GRID2: variants seen among roughly 807,000 people sequenced by gnomAD.
GRID2 encodes the protein glutamate receptor ionotropic, delta-2.
In GRID2, 33 loss-of-function variants were observed where a neutral mutation model predicts 114.8. The ratio of observed to expected loss-of-function variants is 0.29; its 90% CI spans 0.22 to 0.38. GRID2 has a LOEUF of 0.38. Among genes scored for constraint, GRID2 ranks in the 10% least tolerant of loss-of-function variants. GRID2 has a pLI of 1.00. For synonymous variants in GRID2, 505 were observed against 449.9 expected (o/e 1.12, Z -1.55); for missense variants, 1,184 against 1,257.7 (o/e 0.94, Z 0.89).
chr4:93,431,095 AG>A (rs892700489), intron 10 of GRID2, among the ~76,000 whole-genome samples: 6 of 152,220 alleles, frequency 3.9e-5, no homozygotes, highest in African/African-American at 1.4e-4. Flanking sequence ...AGTGAGGAGA[AG>A]GGAGAAGTCT....
At chr4:92,815,780 G>A (rs149056420) in intron 2 of GRID2, among the ~76,000 whole-genome samples, 10 of 151,158 alleles carry the variant, frequency 6.6e-5, no homozygotes, top group African/African-American at 2.2e-4. Flanking sequence ...AACTAACTGG[G>A]CATTGTGGTG....
intron 2 of GRID2, among the ~76,000 whole-genome samples, chr4:92,831,513 C>A (rs1742100820): frequency 6.6e-6 from 1 of 150,510 alleles, no homozygotes; most frequent in Admixed American, 6.6e-5. Flanking sequence ...TTTTTCAAAC[C>A]TGCATGGCTT....
chr4:92,843,619 A>AT (rs1217057660), intron 2 of GRID2, among the ~76,000 whole-genome samples: 1 of 152,116 alleles, frequency 6.6e-6, no homozygotes, highest in African/African-American at 2.4e-5. Context: ...ATACAAATCT[A>AT]TTTTATGTTA....
rs980939313 is a variant in GRID2 at position 93,021,832 on chromosome 4, ATAT to A, written c.245-63158_245-63156del. 2.8e-3 allele frequency among the ~76,000 whole-genome samples: 412 copies of A among 146,890 alleles called. 3 individuals are homozygous for A. Among genetic ancestry groups the A allele is most frequent in the African/African-American group, 9.8e-3 (400 of 40,730 alleles). On this transcript the variant is annotated intron_variant, in intron 2 of 15. Coordinates refer to ENST00000282020, the MANE Select transcript of GRID2 (RefSeq NM_001510.4). ...AAATTTTAATATACTTATATAATAA[ATAT>A]TATTTTTAAATAATAAATATTATAA...
At chr4:93,372,443 G>A (rs1763019105) in intron 8 of GRID2, among the ~76,000 whole-genome samples, 1 of 152,038 alleles carries the variant, frequency 6.6e-6, no homozygotes, top group Non-Finnish European at 1.5e-5. Flanking sequence ...CCCCATGTTG[G>A]TTTCTCCTTT....
chr4:92,340,447 T>C (rs1727425107), intron 1 of GRID2, among the ~76,000 whole-genome samples: 1 of 152,196 alleles, frequency 6.6e-6, no homozygotes, highest in Non-Finnish European at 1.5e-5. Flanking sequence ...TGGCACTTGC[T>C]TAATTTCCAG....
intron 2 of GRID2, among the ~76,000 whole-genome samples, chr4:92,784,214 A>G (rs1226638334): frequency 6.6e-6 from 1 of 152,032 alleles, no homozygotes; most frequent in Admixed American, 6.6e-5. Flanking sequence ...TCATGTAAAT[A>G]TATAGTCTCA....
At chr4:92,628,196 A>T (rs759913371) in intron 2 of GRID2, among the ~76,000 whole-genome samples, 10 of 152,152 alleles carry the variant, frequency 6.6e-5, no homozygotes, top group Non-Finnish European at 1.3e-4. Context: ...ATTAGCCAGC[A>T]GGAGAAGGTG....
chr4:93,573,976 A>G (rs150993820), intron 13 of GRID2, among the ~76,000 whole-genome samples: 4 of 152,330 alleles, frequency 2.6e-5, no homozygotes, highest in Admixed American at 2.6e-4. Context: ...AATTAGAGAA[A>G]TCATGGGCAA....
At chr4:92,776,693 A>T (rs1343208307) in intron 2 of GRID2, among the ~76,000 whole-genome samples, 1 of 152,132 alleles carries the variant, frequency 6.6e-6, no homozygotes, top group African/African-American at 2.4e-5. Context: ...CTCTGTAAAG[A>T]TTGTTCTCTC....
In GRID2 at chr4:93,233,329, A is replaced by T. The variant is rs1409826059; in HGVS notation, c.1126-5042A>T. Among the ~76,000 whole-genome samples, 7 of 97,170 alleles carry T rather than the reference A, an allele frequency of 7.2e-5. No individual in the cohort carries two copies. The East Asian group carries it at 7.4e-4, about 10-fold the overall frequency. 63.7% of individuals were successfully genotyped at this position (97,170 alleles called of 152,430 possible). A position where few individuals can be genotyped will look rare whatever the true frequency, so the allele number is the denominator to read the frequency against. On this transcript the variant is annotated intron_variant, in intron 7 of 15. Coordinates refer to ENST00000282020, the MANE Select transcript of GRID2 (RefSeq NM_001510.4). ...ACACTGAAGGATTATTATTATTATTATTATTATTTTTTTTTTTATTTTTTA... is the reference window on the plus strand; with the variant it reads ...ACACTGAAGGATTATTATTATTATTTTTATTATTTTTTTTTTTATTTTTTA...
chr4:92,765,893 A>C (rs2149348424), intron 2 of GRID2, among the ~76,000 whole-genome samples: 1 of 152,206 alleles, frequency 6.6e-6, no homozygotes, highest in African/African-American at 2.4e-5. Context: ...TCTCTGTTTG[A>C]CCTTTGCCTC....
At chr4:93,269,959 T>C (rs1247373802) in intron 8 of GRID2, among the ~76,000 whole-genome samples, 2 of 152,132 alleles carry the variant, frequency 1.3e-5, no homozygotes, top group African/African-American at 2.4e-5. Context: ...GCCATAATCA[T>C]CTCCTGTTAA....
At chr4:93,555,710 G>C (rs1734252553) in intron 13 of GRID2, among the ~76,000 whole-genome samples, 1 of 152,190 alleles carries the variant, frequency 6.6e-6, no homozygotes, top group African/African-American at 2.4e-5. Flanking sequence ...CTGCCTGCTG[G>C]CTCTGAAGAC....
intron 4 of GRID2, among the ~76,000 whole-genome samples, chr4:93,195,390 G>A (rs1741388177): frequency 6.6e-6 from 1 of 152,150 alleles, no homozygotes; most frequent in African/African-American, 2.4e-5. Flanking sequence ...GAGAAAGCAT[G>A]TGTGGAATAT....
intron 2 of GRID2, among the ~76,000 whole-genome samples, chr4:93,042,599 G>C (rs1470193517): frequency 1.6e-5 from 2 of 122,706 alleles, no homozygotes; most frequent in African/African-American, 6.2e-5. Flanking sequence ...ATGCAAACAT[G>C]ATGAATCTTT....
intron 14 of GRID2, among the ~76,000 whole-genome samples, chr4:93,730,676 A>C (rs1251401885): frequency 1.3e-5 from 2 of 152,170 alleles, no homozygotes; most frequent in Non-Finnish European, 2.9e-5. Context: ...AGGCTTAAGC[A>C]GGGCAGGGGG....
At chr4:93,589,685 C>G (rs1475442549) in intron 13 of GRID2, among the ~76,000 whole-genome samples, 1 of 151,876 alleles carries the variant, frequency 6.6e-6, no homozygotes, top group Non-Finnish European at 1.5e-5. Context: ...TAAAAGTGTT[C>G]CTATTTCTCC....
rs546522026 is a variant in GRID2 at position 93,127,660 on chromosome 4, G to A, written c.735+16707G>A. On this transcript the variant is annotated intron_variant, in intron 4 of 15. Transcript: ENST00000282020. ...ACAGAGGTTGTAAAAGTAGTTTCAG[G>A]TCACACAGTGAGTAATAGCAAAACC... 2.0e-5 allele frequency among the ~76,000 whole-genome samples: 3 copies of A among 152,136 alleles called. No homozygotes were observed. The South Asian group carries it at 6.2e-4, about 32-fold the overall frequency.
Sources: allele counts gnomAD v4.1 joint callset (sites outside exome capture counted in the v4.1 genomes callset), GRCh38; gene constraint gnomAD v4.1.1; transcripts MANE v1.5; gene names NCBI Gene and HGNC (gene_info 2026-07-23, HGNC 2026-07-21).